The following MBD5 variants were observed in gnomAD, a reference collection of about 807,000 sequenced individuals.
MBD5 encodes methyl-CpG binding domain protein 5, also known as methyl-CpG-binding domain protein 5.
A neutral mutation model predicts 117.3 loss-of-function variants in MBD5; 13 were observed. The observed-to-expected ratio is 0.11, with a 90% CI of 0.07 to 0.18. The LOEUF (loss-of-function observed/expected upper bound fraction) is 0.18, where lower values mean the gene tolerates loss of function less well. MBD5 is among the 10% of genes least tolerant of loss of function. MBD5 has a pLI of 1.00. For missense variants in MBD5, 1,879 were observed against 2,093.8 expected (o/e 0.90, Z 2.00); for synonymous variants, 727 against 766.4 (o/e 0.95, Z 0.85).
At chr2:148,417,684 G>A (rs1559062410) in intron 4 of MBD5, among the ~76,000 whole-genome samples, 1 of 152,018 alleles carries the variant, frequency 6.6e-6, no homozygotes, top group African/African-American at 2.4e-5. Context: ...CATTGTGACT[G>A]TAATTTGCAT....
At chr2:148,328,163 G>A in intron 3 of MBD5, among the ~76,000 whole-genome samples, 1 of 152,166 alleles carries the variant, frequency 6.6e-6, no homozygotes. Context: ...GGGGGTCAGG[G>A]GTCAGGGACC....
rs761911302 is a variant in MBD5, at chr2:148,439,737, C to CTT, written c.-556-18448_-556-18447dup. 6.8e-3 allele frequency among the ~76,000 whole-genome samples: 891 copies of CTT among 130,636 alleles called. 12 individuals carry two copies. Among genetic ancestry groups the CTT allele is most frequent in the African/African-American group, 0.024 (823 of 34,786 alleles). The allele number at this position is 130,636 out of a possible 152,430, so 85.7% of individuals were successfully genotyped here. A position where few individuals can be genotyped will look rare whatever the true frequency, so the allele number is the denominator to read the frequency against. ...ATTGTCACCTATGTTCATTCTCTCT[C>CTT]TTTTTTTTTTTTTTTTTTTAGAGAT... On this transcript the variant is annotated intron_variant, in intron 4 of 13. Coordinates refer to ENST00000642680, the MANE Select transcript of MBD5 (RefSeq NM_001378120.1).
Position 148,145,662 on chromosome 2 carries a change from G to T in MBD5, c.-924-33038G>T, listed in dbSNP as rs547073835. Among the ~76,000 whole-genome samples the T allele has an allele frequency of 1.7e-4, 26 of 152,236 alleles. 1 individual carries two copies. Among genetic ancestry groups the T allele is most frequent in the African/African-American group, 5.1e-4 (21 of 41,546 alleles). ...TATTGAGAGTTTTTAGCATGAAGGG[G>T]TGTTGAATTTTGTCAAAAGCCTTTT... On this transcript the variant is annotated intron_variant, in intron 1 of 13. Coordinates refer to ENST00000642680, the MANE Select transcript of MBD5 (RefSeq NM_001378120.1).
intron 1 of MBD5, among the ~76,000 whole-genome samples, chr2:148,041,940 A>G (rs1409010657): frequency 1.3e-5 from 2 of 152,218 alleles, no homozygotes; most frequent in African/African-American, 4.8e-5. Context: ...TCTTTTAACA[A>G]GTTAAAGCCA....
intron 8 of MBD5, among the ~76,000 whole-genome samples, chr2:148,482,085 A>G (rs73021570): frequency 0.058 from 8,880 of 152,166 alleles, 884 homozygotes; most frequent in African/African-American, 0.2. Flanking sequence ...TTGGTGAGAG[A>G]AATGAGCACT....
intron 3 of MBD5, among the ~76,000 whole-genome samples, chr2:148,278,835 T>A (rs774252345): frequency 9.2e-5 from 14 of 152,172 alleles, no homozygotes; most frequent in Admixed American, 3.3e-4. Context: ...GATAGTGTAA[T>A]TCTCAGTCTA....
intron 3 of MBD5, among the ~76,000 whole-genome samples, chr2:148,322,159 G>GAT (rs1290412019): frequency 6.6e-6 from 1 of 152,206 alleles, no homozygotes; most frequent in Non-Finnish European, 1.5e-5. Flanking sequence ...AGTGTAAAGT[G>GAT]ATATGTATTC....
intron 2 of MBD5, among the ~76,000 whole-genome samples, chr2:148,202,708 A>G (rs1433820242): frequency 6.6e-6 from 1 of 152,118 alleles, no homozygotes; most frequent in African/African-American, 2.4e-5. Context: ...GGTAACTTCA[A>G]TGGTAAATAA....
chr2:148,210,892 T>A (rs1257484709), intron 2 of MBD5, among the ~76,000 whole-genome samples: 1 of 152,156 alleles, frequency 6.6e-6, no homozygotes, highest in African/African-American at 2.4e-5. Flanking sequence ...AAATCCTGTC[T>A]TTAGATAGTT....
In MBD5 at chr2:148,097,914, A is replaced by G. The variant is rs543699448; in HGVS notation, c.-925+76230A>G. 1.7e-3 allele frequency among the ~76,000 whole-genome samples: 255 copies of G among 152,308 alleles called. 3 individuals carry two copies. The highest frequency in any genetic ancestry group is 1.6e-4 in the Non-Finnish European group (11 of 68,028). On this transcript the variant is annotated intron_variant, in intron 1 of 13. Transcript: ENST00000642680. ...TAAGAGAAGAATACTACCTTCTAGG[A>G]ACTTCATGAACGTTTAAAACTTGAA...
intron 1 of MBD5, among the ~76,000 whole-genome samples, chr2:148,098,244 A>G (rs1038340553): frequency 2.6e-5 from 4 of 152,158 alleles, no homozygotes; most frequent in South Asian, 2.1e-4. Flanking sequence ...GGGAATAGAA[A>G]CAGATAGATT....
chr2:148,397,322 ATCCTTTTTTTTTTT>A (rs1704749307), intron 4 of MBD5, among the ~76,000 whole-genome samples: 1 of 132,240 alleles, frequency 7.6e-6, no homozygotes, highest in South Asian at 2.4e-4. Flanking sequence ...CTGTCTTCTG[ATCCTTTTTTTTTTT>A]TTTTTTTTTT....
chr2:148,247,709 G>A (rs905852732), intron 3 of MBD5, among the ~76,000 whole-genome samples: 1 of 151,794 alleles, frequency 6.6e-6, no homozygotes, highest in South Asian at 2.1e-4. Context: ...GGCTACAACT[G>A]TTCACTTTTA....
intron 4 of MBD5, among the ~76,000 whole-genome samples, chr2:148,398,071 G>C (rs1237353193): frequency 6.6e-6 from 1 of 152,132 alleles, no homozygotes; most frequent in Non-Finnish European, 1.5e-5. Flanking sequence ...CATTTGGATT[G>C]GTTCCAAGTC....
At chr2:148,381,563 A>G (rs1228582535) in intron 4 of MBD5, among the ~76,000 whole-genome samples, 4 of 152,218 alleles carry the variant, frequency 2.6e-5, no homozygotes, top group Non-Finnish European at 5.9e-5. Context: ...AACTTCCCCA[A>G]TCTAGCAAGG....
In MBD5 at chr2:148,292,180, A is replaced by G. The variant is rs183846638; in HGVS notation, c.-679-50034A>G. Among the ~76,000 whole-genome samples the G allele has an allele frequency of 4.2e-3, 642 of 152,312 alleles. 5 individuals are homozygous for G. The highest frequency in any genetic ancestry group is 0.015 in the African/African-American group (617 of 41,572). ...GCAAATATTTCTTGAGCAACACCCC[A>G]TGAGCACAGGCAGCCAAAGCAAAAA... On this transcript the variant is annotated intron_variant, in intron 3 of 13. Transcript: ENST00000642680.
At chr2:148,412,120 C>T (rs1019799919) in intron 4 of MBD5, among the ~76,000 whole-genome samples, 9 of 152,196 alleles carry the variant, frequency 5.9e-5, no homozygotes, top group Middle Eastern at 3.4e-3. Flanking sequence ...ATCCTCTCCC[C>T]GTTGCTTGTT....
intron 4 of MBD5, among the ~76,000 whole-genome samples, chr2:148,451,105 A>G (rs1011458080): frequency 6.6e-6 from 1 of 152,164 alleles, no homozygotes; most frequent in Non-Finnish European, 1.5e-5. Context: ...ATATCTCTCT[A>G]ATGAGTGGCA....
chr2:148,135,589 G>GT (rs1697151814), intron 1 of MBD5, among the ~76,000 whole-genome samples: 1 of 152,180 alleles, frequency 6.6e-6, no homozygotes, highest in African/African-American at 2.4e-5. Context: ...GGCTCGACTT[G>GT]TTTTTTCTGT....
Sources: gnomAD v4.1 joint callset for allele counts (sites outside exome capture counted in the v4.1 genomes callset) on GRCh38, gnomAD v4.1.1 for gene constraint, MANE v1.5 for transcripts, NCBI Gene and HGNC (gene_info 2026-07-23, HGNC 2026-07-21) for gene names.